NCOR1: variants seen among roughly 807,000 people sequenced by gnomAD.
The protein encoded by NCOR1 is protein phosphatase 1, regulatory subunit 109.
A neutral mutation model predicts 288.1 loss-of-function variants in NCOR1; 63 were observed. That is an observed-to-expected ratio of 0.22 (90% CI 0.18 to 0.27). The LOEUF (loss-of-function observed/expected upper bound fraction) is 0.27. Ranked by LOEUF, NCOR1 falls within the 10% of genes least tolerant of loss-of-function variation. The probability of loss-of-function intolerance (pLI) is 1.00; values close to 1 mark genes in which losing one functional copy is unlikely to be tolerated. For synonymous variants in NCOR1, 1,007 were observed against 1,065.9 expected, an observed-to-expected ratio of 0.94 and a Z score of 1.08; for missense variants, 2,397 against 3,019.2, an observed-to-expected ratio of 0.79 and a Z score of 4.83.
rs1354986407 is a variant in NCOR1, at chr17:16,039,428, T to C, written c.6955+5A>G. ...AGCAGAAAAGCACTAAAATGAAAGC[T>C]GTACCTGAATGAGGTGATGGGTCCC... is the stretch of plus-strand genomic sequence containing the variant. On this transcript the variant is annotated splice_donor_5th_base_variant and intron_variant, in intron 44 of 45. Coordinates refer to ENST00000268712, the MANE Select transcript of NCOR1 (RefSeq NM_006311.4). The C allele has an allele frequency of 6.2e-7, 1 of 1,612,216 alleles. No individual in the cohort carries two copies. Among genetic ancestry groups the C allele is most frequent in the Non-Finnish European group, 8.5e-7 (1 of 1,178,942 alleles).
rs184207948 is a variant in NCOR1 at position 16,192,599 on chromosome 17, T to C, written c.108+1863A>G. ...TGAACCCAGGAGGCAGAGGATGCAG[T>C]GAGCTCAGATGGCACCATAGCACTC... On this transcript the variant is annotated intron_variant, in intron 2 of 45. Coordinates refer to ENST00000268712, the MANE Select transcript of NCOR1 (RefSeq NM_006311.4). Among the ~76,000 whole-genome samples the C allele has an allele frequency of 3.3e-4, 50 of 152,126 alleles. 1 individual carries two copies. The highest frequency in any genetic ancestry group is 1.1e-3 in the African/African-American group (47 of 41,516).
intron 8 of NCOR1, chr17:16,151,699 A>G: frequency 1.6e-6 from 2 of 1,240,444 alleles, no homozygotes; most frequent in Non-Finnish European, 1.1e-6. Context: ...CTTTTTTACT[A>G]GCAGATTATA....
intron 14 of NCOR1, among the ~76,000 whole-genome samples, chr17:16,136,806 C>CAAAAAAAAA (rs60523446): frequency 3.6e-5 from 4 of 111,792 alleles, no homozygotes; most frequent in African/African-American, 7.4e-5. Context: ...GACTCTGTTT[C>CAAAAAAAAA]AAAAAAAAAA....
chr17:16,148,663 CAAAAAAAAAAAA>C (rs397857284), intron 9 of NCOR1, among the ~76,000 whole-genome samples: 92 of 48,350 alleles, frequency 1.9e-3, no homozygotes, highest in African/African-American at 2.2e-3. Flanking sequence ...ATGTTCTTGG[CAAAAAAAAAAAA>C]AAAAAAAAAA....
At chr17:16,041,944 G>C (rs1228803078) in intron 42 of NCOR1, among the ~76,000 whole-genome samples, 1 of 152,042 alleles carries the variant, frequency 6.6e-6, no homozygotes, top group Non-Finnish European at 1.5e-5. Flanking sequence ...CACCGTGTTA[G>C]CCAGGATGGT....
chr17:16,194,271 T>A (rs1236734277), intron 2 of NCOR1, among the ~76,000 whole-genome samples, 191 bp downstream of exon 2: 3 of 126,712 alleles, frequency 2.4e-5, no homozygotes, highest in African/African-American at 9.5e-5. Context: ...ACTCCTGAAA[T>A]CAGCATAAAG....
intron 42 of NCOR1, chr17:16,041,134 A>G (rs952300300): frequency 1.3e-5 from 2 of 152,168 alleles, no homozygotes; most frequent in African/African-American, 4.8e-5. Context: ...CTAACTGGAA[A>G]CTCAGGATAT....
intron 26 of NCOR1, among the ~76,000 whole-genome samples, chr17:16,077,987 C>T (rs1419787801): frequency 1.3e-5 from 2 of 152,202 alleles, no homozygotes; most frequent in Non-Finnish European, 2.9e-5. Flanking sequence ...CCTTTGGATG[C>T]CTCTGTGTTT....
At chr17:16,136,075 C>T (rs2076353799) in intron 14 of NCOR1, among the ~76,000 whole-genome samples, 1 of 152,242 alleles carries the variant, frequency 6.6e-6, no homozygotes, top group Non-Finnish European at 1.5e-5. Flanking sequence ...TGAGCTATGG[C>T]AGCTGCTGAT....
At chr17:16,208,981 C>A (rs1303284724) in intron 1 of NCOR1, among the ~76,000 whole-genome samples, 2 of 152,220 alleles carry the variant, frequency 1.3e-5, no homozygotes, top group Non-Finnish European at 2.9e-5. Context: ...AGATCTTCTA[C>A]AGCAACCACA....
chr17:16,093,023 G>A (rs2065693532), intron 21 of NCOR1, among the ~76,000 whole-genome samples: 1 of 151,848 alleles, frequency 6.6e-6, no homozygotes, highest in Admixed American at 6.6e-5. Flanking sequence ...CATTTATGTT[G>A]ATTTAAATGT....
chr17:16,092,240 A>T (rs2065285508), intron 21 of NCOR1, among the ~76,000 whole-genome samples, 182 bp from the exon 22 acceptor site: 2 of 152,122 alleles, frequency 1.3e-5, no homozygotes, highest in Non-Finnish European at 2.9e-5. Context: ...CTGTAATCCC[A>T]TCACTTTGGG....
Position 16,071,468 on chromosome 17 carries a change from G to A in NCOR1, c.4093C>T (p.Arg1365Trp), listed in dbSNP as rs1196308486. The A allele has an allele frequency of 3.1e-6, 5 of 1,613,976 alleles. No homozygotes were observed. In the African/African-American group the frequency reaches 4.0e-5, roughly 13 times the overall value. ...CTCTGGACCACTTCTGGAGTTTTCC[G>A]ACTTTCCTGAGTTAAAATATCTTGC... ...PRQDILTQES[R>W]KTPEVVQSTR... The change falls in exon 30 of 46, where the codon CGG becomes TGG. Residue 1365 changes from arginine (R) to tryptophan (W), a missense_variant. This residue lies in a region of NCOR1 where 1,872 missense variants were observed against 2,187.8 expected (regional missense o/e 0.86). Coordinates refer to ENST00000268712, the MANE Select transcript of NCOR1 (RefSeq NM_006311.4).
chr17:16,181,164 AAAAG>A (rs900227353), intron 3 of NCOR1, among the ~76,000 whole-genome samples: 67 of 151,788 alleles, frequency 4.4e-4, no homozygotes, highest in Non-Finnish European at 7.1e-4. Flanking sequence ...GTCTAAAAAA[AAAAG>A]AAAGAAAGAA....
chr17:16,057,406 A>C lies in NCOR1; in HGVS notation c.6392+108T>G, dbSNP rs2060062060. 5.5e-6 allele frequency: 6 copies of C among 1,093,770 alleles called. No homozygotes were observed. In the South Asian group the frequency reaches 7.2e-5, roughly 13 times the overall value. 67.8% of individuals were successfully genotyped at this position (1,093,770 alleles called of 1,614,324 possible). On this transcript the variant is annotated intron_variant, in intron 40 of 45. Transcript: ENST00000268712. The stretch of plus-strand genomic sequence containing the variant: ...AGCTCATTTACACTTTCCTGGGAAT[A>C]AAGGCAAATGAACTTTAGTTGTGAG...
At chr17:16,197,412 T>G (rs1290199792) in intron 1 of NCOR1, among the ~76,000 whole-genome samples, 1 of 152,176 alleles carries the variant, frequency 6.6e-6, no homozygotes, top group Admixed American at 6.6e-5. Context: ...TGATGTCATG[T>G]TTCCTGCTGT....
intron 18 of NCOR1, among the ~76,000 whole-genome samples, chr17:16,114,237 T>C (rs1272899740): frequency 2.1e-5 from 3 of 146,170 alleles, no homozygotes; most frequent in South Asian, 2.2e-4. Context: ...ATCACAAAAA[T>C]AGCATGAGAA....
At chr17:16,130,434 A>T (rs1172109938) in intron 14 of NCOR1, among the ~76,000 whole-genome samples, 1 of 152,196 alleles carries the variant, frequency 6.6e-6, no homozygotes, top group Non-Finnish European at 1.5e-5. Flanking sequence ...AAACCCTTCT[A>T]AAAGTTCCCT....
chr17:16,109,329 C>G (rs1365028336), intron 18 of NCOR1, among the ~76,000 whole-genome samples: 2 of 151,956 alleles, frequency 1.3e-5, no homozygotes, highest in Non-Finnish European at 2.9e-5. Context: ...ATTATTCCAA[C>G]AGTAAGAGAT....
Sources: gnomAD v4.1 joint callset for allele counts (sites outside exome capture counted in the v4.1 genomes callset) on GRCh38, gnomAD v4.1.1 for gene constraint, gnomAD v4.1.1 regional missense constraint, MANE v1.5 for transcripts, NCBI Gene and HGNC (gene_info 2026-07-23, HGNC 2026-07-21) for gene names.